The following LRIG1 variants were observed in gnomAD, a reference collection of about 807,000 sequenced individuals.
LRIG1 encodes the protein leucine-rich repeats and immunoglobulin-like domains protein 1.
Under a neutral mutation model 99.2 loss-of-function variants are expected in LRIG1, and 48 were observed. The ratio of observed to expected loss-of-function variants is 0.48; its 90% CI spans 0.38 to 0.62. LRIG1 has a LOEUF of 0.62. Ranked by LOEUF, LRIG1 falls within the 20% of genes least tolerant of loss-of-function variation. The probability of loss-of-function intolerance (pLI) is 0.00; values close to 1 mark genes in which losing one functional copy is unlikely to be tolerated. For synonymous variants in LRIG1, 772 were observed against 596.1 expected (o/e 1.29, Z -4.30); for missense variants, 1,646 against 1,434.4 (o/e 1.15, Z -2.38).
intron 11 of LRIG1, among the ~76,000 whole-genome samples, chr3:66,394,707 A>G (rs1056015201): frequency 2.6e-5 from 4 of 152,254 alleles, no homozygotes; most frequent in Admixed American, 2.0e-4. Context: ...AAATTCTGCA[A>G]CAAGTTCCGA....
chr3:66,391,574 G>A (rs745878594), intron 12 of LRIG1, among the ~76,000 whole-genome samples: 28 of 152,190 alleles, frequency 1.8e-4, no homozygotes, highest in Non-Finnish European at 2.6e-4. Flanking sequence ...ATAGGCAAAT[G>A]ATGGAGACAC....
At chr3:66,495,854 G>A (rs575696486) in intron 1 of LRIG1, among the ~76,000 whole-genome samples, 49 of 152,344 alleles carry the variant, frequency 3.2e-4, no homozygotes, top group African/African-American at 1.1e-3. Flanking sequence ...GCACCAAGGA[G>A]ACACCCCTGC....
intron 3 of LRIG1, among the ~76,000 whole-genome samples, chr3:66,427,074 G>A (rs1054912356): frequency 6.6e-6 from 1 of 151,992 alleles, no homozygotes; most frequent in Non-Finnish European, 1.5e-5. Context: ...AGACTGGGGG[G>A]AAAAAAAATC....
At chr3:66,389,989 A>G (rs1036780397) in intron 12 of LRIG1, among the ~76,000 whole-genome samples, 1 of 152,128 alleles carries the variant, frequency 6.6e-6, no homozygotes, top group African/African-American at 2.4e-5. Context: ...GGTGCCCTTT[A>G]AAGATTTTTA....
chr3:66,410,131 C>G lies in LRIG1; in HGVS notation c.933G>C (p.Glu311Asp). Residue 311 changes from glutamate (E) to aspartate (D), a missense_variant and splice_region_variant, in exon 7 of 19, where the codon GAG becomes GAC. By Grantham distance (45) the Glu-to-Asp change is conservative. Transcript: ENST00000273261. ...AGCCCAGAGCCGAGGACACTTACAA[C>G]TCATGCAGCTTCTGGCAGAAGCTCC... ...KGWSFCQKLH[E>D]LVLSFNNLTR... The G allele has an allele frequency of 6.2e-7, 1 of 1,611,162 alleles. No homozygotes were observed. The highest frequency in any genetic ancestry group is 8.5e-7 in the Non-Finnish European group (1 of 1,178,466).
intron 3 of LRIG1, among the ~76,000 whole-genome samples, chr3:66,419,171 C>T (rs1278379517): frequency 6.6e-6 from 1 of 152,200 alleles, no homozygotes; most frequent in African/African-American, 2.4e-5. Flanking sequence ...CAGAAAGGCA[C>T]AAAGAGGGGG....
chr3:66,438,146 G>A (rs1244482403), intron 3 of LRIG1, among the ~76,000 whole-genome samples: 3 of 152,200 alleles, frequency 2.0e-5, no homozygotes. Flanking sequence ...GGGAACCCCT[G>A]TAGAGATGAG....
intron 3 of LRIG1, among the ~76,000 whole-genome samples, chr3:66,428,801 C>T (rs542304970): frequency 6.6e-6 from 1 of 152,246 alleles, no homozygotes; most frequent in Non-Finnish European, 1.5e-5. Flanking sequence ...TCGTAAGAAA[C>T]AGCCCAGCCT....
intron 12 of LRIG1, chr3:66,387,504 C>T (rs766137041): frequency 1.4e-4 from 21 of 152,148 alleles, no homozygotes; most frequent in African/African-American, 1.7e-4. Context: ...CTTAAGGGGA[C>T]GGACTTTATA....
intron 3 of LRIG1, among the ~76,000 whole-genome samples, chr3:66,447,765 C>T (rs1321460689): frequency 5.3e-5 from 8 of 152,166 alleles, no homozygotes; most frequent in African/African-American, 1.9e-4. Flanking sequence ...CCAATCTTCT[C>T]GACAGTACAA....
rs559585653 is a variant in LRIG1, at chr3:66,419,185, G to C, written c.366-1919C>G. Among the ~76,000 whole-genome samples, 15 of 152,276 alleles carry C rather than the reference G, an allele frequency of 9.9e-5. No homozygotes were observed. The East Asian group carries it at 2.5e-3, about 26-fold the overall frequency. ...CCAGAAAGGCACAAAGAGGGGGTGA[G>C]GCCTTACATTGCGAAGCCGTGGGAC... On this transcript the variant is annotated intron_variant, in intron 3 of 18. Transcript: ENST00000273261.
At chr3:66,474,492 C>T (rs1700673640) in intron 1 of LRIG1, among the ~76,000 whole-genome samples, 2 of 152,152 alleles carry the variant, frequency 1.3e-5, no homozygotes, top group South Asian at 2.1e-4. Flanking sequence ...ATTACAGGCG[C>T]CCGCCACTGC....
At chr3:66,398,565 C>G (rs1467048274) in intron 10 of LRIG1, among the ~76,000 whole-genome samples, 1 of 152,240 alleles carries the variant, frequency 6.6e-6, no homozygotes, top group Admixed American at 6.5e-5. Flanking sequence ...AGCAACCACA[C>G]CAAACTGGTT....
At chr3:66,481,696 CT>C (rs1281517936) in intron 1 of LRIG1, among the ~76,000 whole-genome samples, 24 of 152,314 alleles carry the variant, frequency 1.6e-4, no homozygotes, top group Admixed American at 1.4e-3. Flanking sequence ...TACTCCTTAC[CT>C]TTAAAACCTT....
chr3:66,405,818 C>T, intron 8 of LRIG1: 1 of 1,157,758 alleles, frequency 8.6e-7, no homozygotes, highest in Non-Finnish European at 1.1e-6. Flanking sequence ...GACTCTGAGC[C>T]AGGGAGGACA....
chr3:66,382,100 G>GA, intron 16 of LRIG1, among the ~76,000 whole-genome samples, 173 bp downstream of exon 16: 1 of 152,310 alleles, frequency 6.6e-6, no homozygotes, highest in Middle Eastern at 3.4e-3. Flanking sequence ...AAACCTTGCA[G>GA]AACTCATGAA....
intron 10 of LRIG1, among the ~76,000 whole-genome samples, chr3:66,398,644 G>A (rs572346952): frequency 7.2e-5 from 11 of 152,326 alleles, no homozygotes; most frequent in East Asian, 5.8e-4. Flanking sequence ...AGGAGGAAGC[G>A]CGTTGGTGGA....
chr3:66,383,366 C>A lies in LRIG1; in HGVS notation c.2107G>T (p.Val703Leu). ...GCCACTGTTTCTCCCACAGATACCA[C>A]ACGGTCTTCCAAGGGGACCACCAAG... ...PSLVVPLEDR[V>L]VSVGETVALQ... The change falls in exon 15 of 19, where the codon GTG becomes TTG. Residue 703 changes from valine (V) to leucine (L), a missense_variant. Val to Leu is a conservative substitution (Grantham distance 32). Transcript: ENST00000273261. The A allele has an allele frequency of 1.3e-6, 2 of 1,575,254 alleles. No individual in the cohort carries two copies. The highest frequency in any genetic ancestry group is 8.7e-7 in the Non-Finnish European group (1 of 1,155,610).
intron 1 of LRIG1, among the ~76,000 whole-genome samples, chr3:66,492,357 G>T (rs138522781): frequency 6.6e-6 from 1 of 152,288 alleles, no homozygotes; most frequent in East Asian, 1.9e-4. Context: ...AGCAAAACAG[G>T]GAGGGGGAAG....
Sources: allele counts gnomAD v4.1 joint callset (sites outside exome capture counted in the v4.1 genomes callset), GRCh38; gene constraint gnomAD v4.1.1; transcripts MANE v1.5; gene names NCBI Gene and HGNC (gene_info 2026-07-23, HGNC 2026-07-21).